Variants in SCRG1 observed in about 807,000 individuals in gnomAD.
SCRG1 encodes scrapie-responsive protein 1.
SCRG1 carries 3 observed loss-of-function variants against 7.7 expected under a neutral mutation model. The observed-to-expected ratio is 0.39, with a 90% confidence interval of 0.18 to 1.01. The LOEUF (loss-of-function observed/expected upper bound fraction) is 1.01, where lower values mean the gene tolerates loss of function less well. SCRG1 is among the 50% of genes least tolerant of loss of function. The probability of loss-of-function intolerance (pLI) is 0.36; values close to 1 mark genes in which losing one functional copy is unlikely to be tolerated. For missense variants in SCRG1, 110 were observed against 117.2 expected (o/e 0.94, Z 0.28); for synonymous variants, 46 against 41.2 (o/e 1.12, Z -0.44).
chr4:173,416,328 T>C, the SCRG1 span, among the ~76,000 whole-genome samples: 6 of 152,250 alleles, frequency 3.9e-5, no homozygotes, highest in Non-Finnish European at 8.8e-5. Flanking sequence ...CTGTCTGCCA[T>C]AAGAACCTCC....
chr4:173,419,736 C>A, the SCRG1 span: 39 of 1,175,050 alleles, frequency 3.3e-5, no homozygotes, highest in South Asian at 1.6e-4. Context: ...AGGTCTGCGA[C>A]CAAATAGCAG....
At chr4:173,390,648 T>TTTTTTTG (rs1200597616) in intron 2 of SCRG1, among the ~76,000 whole-genome samples, 3 of 151,906 alleles carry the variant, frequency 2.0e-5, no homozygotes, top group Non-Finnish European at 4.4e-5. Context: ...AATTTTGTAT[T>TTTTTTTG]TTTTTTGTAT....
At chr4:173,518,613 C>G in the SCRG1 span, among the ~76,000 whole-genome samples, 1 of 152,134 alleles carries the variant, frequency 6.6e-6, no homozygotes, top group African/African-American at 2.4e-5. Flanking sequence ...TCCGCAGTCC[C>G]CCTTCTCCCC....
chr4:173,448,742 T>C, the SCRG1 span, among the ~76,000 whole-genome samples: 1 of 152,246 alleles, frequency 6.6e-6, no homozygotes, highest in Non-Finnish European at 1.5e-5. Context: ...AGTATGCAGC[T>C]GATGATTTAT....
At chr4:173,453,679 G>A in the SCRG1 span, among the ~76,000 whole-genome samples, 28 of 152,134 alleles carry the variant, frequency 1.8e-4, no homozygotes, top group South Asian at 2.1e-4. Context: ...TCATATATGC[G>A]GTCTGTCGTT....
At chr4:173,434,676 C>T in the SCRG1 span, among the ~76,000 whole-genome samples, 1 of 152,068 alleles carries the variant, frequency 6.6e-6, no homozygotes, top group Admixed American at 6.5e-5. Context: ...ACTAAAAATA[C>T]AAACAATTAG....
the SCRG1 span, chr4:173,419,632 A>G: frequency 1.4e-6 from 1 of 731,918 alleles, no homozygotes; most frequent in South Asian, 1.4e-5. Context: ...TAGACAAACC[A>G]AGGAATCGTT....
At chr4:173,492,426 C>A in the SCRG1 span, among the ~76,000 whole-genome samples, 1 of 151,960 alleles carries the variant, frequency 6.6e-6, no homozygotes, top group Non-Finnish European at 1.5e-5. Flanking sequence ...CAGCTGAGGA[C>A]AGCCATCTAA....
the SCRG1 span, among the ~76,000 whole-genome samples, chr4:173,478,388 A>G: frequency 6.8e-6 from 1 of 147,988 alleles, no homozygotes; most frequent in African/African-American, 2.7e-5. Flanking sequence ...ACAAAAAACA[A>G]AAAACAAAAA....
chr4:173,449,435 CTTTTTTTTTTT>C, the SCRG1 span, among the ~76,000 whole-genome samples: 4 of 115,888 alleles, frequency 3.5e-5, no homozygotes, highest in African/African-American at 9.7e-5. Flanking sequence ...CATGATAAAT[CTTTTTTTTTTT>C]TTTTTTTTTG....
chr4:173,431,723 C>T, the SCRG1 span, among the ~76,000 whole-genome samples: 2 of 152,190 alleles, frequency 1.3e-5, no homozygotes, highest in African/African-American at 4.8e-5. Context: ...GGCAAAACTT[C>T]CAGGGTCTTC....
chr4:173,416,695 G>A, the SCRG1 span, among the ~76,000 whole-genome samples: 2 of 152,128 alleles, frequency 1.3e-5, no homozygotes, highest in East Asian at 3.8e-4. Flanking sequence ...GAAAGCGTCT[G>A]GGGCTATCCC....
the SCRG1 span, among the ~76,000 whole-genome samples, chr4:173,485,145 A>AAT: frequency 8.7e-4 from 10 of 11,444 alleles, 1 homozygote; most frequent in Non-Finnish European, 2.1e-3. Context: ...TATTACATAT[A>AAT]ATGTAATATA....
the SCRG1 span, among the ~76,000 whole-genome samples, chr4:173,454,082 A>AC: frequency 6.6e-6 from 1 of 151,602 alleles, no homozygotes; most frequent in African/African-American, 2.4e-5. Flanking sequence ...CGTCTAAAAA[A>AC]AAAAAAAAAA....
the SCRG1 span, among the ~76,000 whole-genome samples, chr4:173,502,952 A>C: frequency 3.3e-5 from 5 of 152,210 alleles, no homozygotes; most frequent in South Asian, 1.0e-3. The surrounding 1 kb of genome is among the most constrained non-coding windows in gnomAD (Gnocchi z 4.6). Context: ...GTGGAAAAAT[A>C]GAAGGGGGGT....
the SCRG1 span, among the ~76,000 whole-genome samples, chr4:173,485,651 A>G: frequency 6.6e-6 from 1 of 152,098 alleles, no homozygotes; most frequent in Non-Finnish European, 1.5e-5. Context: ...AAGATTATGA[A>G]CTACTACTGA....
the SCRG1 span, among the ~76,000 whole-genome samples, chr4:173,471,771 G>A: frequency 2.7e-3 from 411 of 152,234 alleles, no homozygotes; most frequent in Non-Finnish European, 4.3e-3. Flanking sequence ...GTGCAATGGC[G>A]CGATCTCAGC....
the SCRG1 span, among the ~76,000 whole-genome samples, chr4:173,476,363 A>AAAAAAATATATATATATAT: frequency 4.4e-4 from 43 of 98,496 alleles, no homozygotes; most frequent in African/African-American, 8.0e-4. Context: ...GGAAAAAAAA[A>AAAAAAATATATATATATAT]ATATATATAT....
At chr4:173,404,029 A>G (rs1739833156), upstream of SCRG1, 1 of 152,590 alleles carries the variant, frequency 6.6e-6, no homozygotes, top group South Asian at 2.1e-4. Flanking sequence ...AGTGTGCTAA[A>G]CATTTTGCAA....
Sources: gnomAD v4.1 joint callset for allele counts (sites outside exome capture counted in the v4.1 genomes callset) on GRCh38, gnomAD v4.1.1 for gene constraint, Gnocchi (gnomAD v3.1) non-coding constraint, MANE v1.5 for transcripts, NCBI Gene and HGNC (gene_info 2026-07-23, HGNC 2026-07-21) for gene names.